Variants in DDAH1 observed in about 807,000 individuals in gnomAD.
The protein encoded by DDAH1 is dimethylarginine dimethylaminohydrolase 1, also known as N(G),N(G)-dimethylarginine dimethylaminohydrolase 1.
A neutral mutation model predicts 28.8 loss-of-function variants in DDAH1; 19 were observed. The observed-to-expected ratio is 0.66, with a 90% CI of 0.46 to 0.97. DDAH1 has a LOEUF of 0.97. Among genes scored for constraint, DDAH1 ranks in the 50% least tolerant of loss-of-function variants. The pLI, the probability that DDAH1 is intolerant of heterozygous loss-of-function variation, is 0.00. For missense variants in DDAH1, 326 were observed against 375.9 expected (o/e 0.87, Z 1.10); for synonymous variants, 153 against 154.4 (o/e 0.99, Z 0.07).
intron 1 of DDAH1, among the ~76,000 whole-genome samples, chr1:85,450,500 T>C (rs1654621696): frequency 6.6e-6 from 1 of 152,140 alleles, no homozygotes; most frequent in Admixed American, 6.6e-5. Context: ...ATCTAGTCAA[T>C]CCGATATATC....
At chr1:85,391,109 AAT>A (rs1418111804) in intron 1 of DDAH1, among the ~76,000 whole-genome samples, 1 of 152,134 alleles carries the variant, frequency 6.6e-6, no homozygotes, top group Non-Finnish European at 1.5e-5. Flanking sequence ...GAAGGACAGT[AAT>A]ATTAACCTGA....
chr1:85,463,273 G>T (rs1223790538), intron 1 of DDAH1, among the ~76,000 whole-genome samples: 1 of 152,154 alleles, frequency 6.6e-6, no homozygotes. Context: ...TTTTATTATA[G>T]GAATAAAATG....
At chr1:85,409,819 A>C (rs1278258459) in intron 1 of DDAH1, among the ~76,000 whole-genome samples, 1 of 152,214 alleles carries the variant, frequency 6.6e-6, no homozygotes, top group African/African-American at 2.4e-5. Flanking sequence ...ATTGTGAAGC[A>C]CCTACCTATG....
At position 85,456,769 on chromosome 1, in the gene DDAH1, C is replaced by G. The variant is rs1178733154; in HGVS notation, c.303+7974G>C. ...ACATACTACAAGATGACAGGTTTTC[C>G]TGATACACCCTCATGTAACAAATTA... On this transcript the variant is annotated intron_variant, in intron 1 of 5. Coordinates refer to ENST00000284031, the MANE Select transcript of DDAH1 (RefSeq NM_012137.4). Among the ~76,000 whole-genome samples the G allele has an allele frequency of 2.6e-5, 4 of 152,254 alleles. No individual in the cohort carries two copies. The East Asian group carries it at 7.7e-4, about 29-fold the overall frequency.
rs543793910 is a variant in DDAH1, at chr1:85,319,188, T to C, written c.*2264A>G. 5 of 152,160 alleles carry C rather than the reference T, an allele frequency of 3.3e-5. No individual in the cohort carries two copies. In the South Asian group the frequency reaches 1.0e-3, roughly 32 times the overall value. 9.4% of individuals were successfully genotyped at this position (152,160 alleles called of 1,614,324 possible). A position where few individuals can be genotyped will look rare whatever the true frequency, so the allele number is the denominator to read the frequency against. ...ATTTAGGTTTTCACATCATCAATCA[T>C]ATAGGGAGTCCAAAGAAGCCAGCCT... On this transcript the variant is annotated 3_prime_UTR_variant, in exon 6 of 6. Coordinates refer to ENST00000284031, the MANE Select transcript of DDAH1 (RefSeq NM_012137.4).
In DDAH1 at chr1:85,371,705, T is replaced by C. The variant is rs145596948; in HGVS notation, c.304-12858A>G. Among the ~76,000 whole-genome samples the C allele has an allele frequency of 4.6e-5, 7 of 152,318 alleles. No homozygotes were observed. The East Asian group carries it at 5.8e-4, about 13-fold the overall frequency. ...AATACATTCACACTGTATAGCACCA[T>C]AGGACTAAATGAAAGTTTGCTGTGC... On this transcript the variant is annotated intron_variant, in intron 1 of 5. Coordinates refer to ENST00000284031, the MANE Select transcript of DDAH1 (RefSeq NM_012137.4).
intron 1 of DDAH1, among the ~76,000 whole-genome samples, chr1:85,557,417 A>G (rs899340903): frequency 5.9e-5 from 9 of 152,234 alleles, no homozygotes; most frequent in Non-Finnish European, 1.3e-4. Context: ...TGCTTGTGCC[A>G]TCCTCATTTG....
At chr1:85,328,983 C>G (rs764291127) in intron 4 of DDAH1, among the ~76,000 whole-genome samples, 1 of 152,194 alleles carries the variant, frequency 6.6e-6, no homozygotes, top group Non-Finnish European at 1.5e-5. Flanking sequence ...AAATAAATCA[C>G]CCATGTCTCT....
intron 1 of DDAH1, among the ~76,000 whole-genome samples, chr1:85,412,799 G>C (rs1039559303): frequency 1.3e-5 from 2 of 152,098 alleles, no homozygotes; most frequent in African/African-American, 4.8e-5. Flanking sequence ...CCAGGAGTTC[G>C]AGACCAGCCT....
chr1:85,372,071 G>C (rs942987669), intron 1 of DDAH1, among the ~76,000 whole-genome samples: 2 of 151,992 alleles, frequency 1.3e-5, no homozygotes, highest in Non-Finnish European at 2.9e-5. Flanking sequence ...ATTAGAGATG[G>C]TTGTGAAAGG....
At chr1:85,381,482 T>C (rs1650988131) in intron 1 of DDAH1, among the ~76,000 whole-genome samples, 1 of 151,946 alleles carries the variant, frequency 6.6e-6, no homozygotes, top group South Asian at 2.1e-4. Flanking sequence ...TAGTCTTTTA[T>C]CCTTCACCCC....
At chr1:85,355,039 A>T (rs1649419785) in intron 2 of DDAH1, among the ~76,000 whole-genome samples, 1 of 152,148 alleles carries the variant, frequency 6.6e-6, no homozygotes, top group Admixed American at 6.5e-5. Context: ...CAAAGAAAGA[A>T]GGCATAAATT....
At chr1:85,567,012 C>T (rs1237296810) in intron 1 of DDAH1, among the ~76,000 whole-genome samples, 1 of 152,126 alleles carries the variant, frequency 6.6e-6, no homozygotes, top group Non-Finnish European at 1.5e-5. Context: ...CCTCCCATCT[C>T]AGCTCAAAGG....
intron 1 of DDAH1, among the ~76,000 whole-genome samples, chr1:85,371,967 T>G (rs1650407361): frequency 6.6e-6 from 1 of 152,064 alleles, no homozygotes; most frequent in Non-Finnish European, 1.5e-5. Flanking sequence ...TGCAAGATGG[T>G]TTTTGGAACA....
intron 1 of DDAH1, among the ~76,000 whole-genome samples, chr1:85,566,377 A>G (rs551619805): frequency 7.3e-4 from 111 of 151,746 alleles, no homozygotes; most frequent in African/African-American, 2.6e-3. Flanking sequence ...CTGTAGTCCC[A>G]GCTACTCAGG....
At chr1:85,530,306 G>C (rs2773116) in intron 1 of DDAH1, among the ~76,000 whole-genome samples, 1 of 152,224 alleles carries the variant, frequency 6.6e-6, no homozygotes, top group African/African-American at 2.4e-5. Context: ...TATTTGGAAG[G>C]AGTACCTGAA....
At chr1:85,332,203 C>T (rs1389074854) in intron 4 of DDAH1, among the ~76,000 whole-genome samples, 2 of 152,142 alleles carry the variant, frequency 1.3e-5, no homozygotes, top group Admixed American at 1.3e-4. Flanking sequence ...GCCCTGGGAC[C>T]CAGCAACCCC....
At chr1:85,347,578 G>C (rs533255313) in intron 4 of DDAH1, among the ~76,000 whole-genome samples, 1 of 151,976 alleles carries the variant, frequency 6.6e-6, no homozygotes, top group East Asian at 1.9e-4. Flanking sequence ...AGAACACTTG[G>C]ACACAGGATG....
chr1:85,434,950 TAA>T (rs1281445933), intron 1 of DDAH1, among the ~76,000 whole-genome samples: 1 of 152,072 alleles, frequency 6.6e-6, no homozygotes, highest in Non-Finnish European at 1.5e-5. Context: ...TGACAGTATA[TAA>T]TAAGTAATGA....
Sources: gnomAD v4.1 joint callset for allele counts (sites outside exome capture counted in the v4.1 genomes callset) on GRCh38, gnomAD v4.1.1 for gene constraint, MANE v1.5 for transcripts, NCBI Gene and HGNC (gene_info 2026-07-23, HGNC 2026-07-21) for gene names.